The following NEB variants were observed in gnomAD, a reference collection of about 807,000 sequenced individuals.
The protein encoded by NEB is nebulin.
In NEB, 512 loss-of-function variants were observed where a neutral mutation model predicts 952.2. The ratio of observed to expected loss-of-function variants is 0.54; its 90% CI spans 0.50 to 0.58. The LOEUF is 0.58. Ranked by LOEUF, NEB falls within the 20% of genes least tolerant of loss-of-function variation. The pLI is 0.00. For missense variants in NEB, 8,428 were observed against 9,231.1 expected (o/e 0.91, Z 3.56); for synonymous variants, 2,900 against 3,149.8 (o/e 0.92, Z 2.66).
At chr2:151,717,385 G>GGAA (rs200998609) in intron 10 of NEB, 31 bp downstream of exon 10, 2 of 1,094,094 alleles carry the variant, frequency 1.8e-6, no homozygotes, top group African/African-American at 1.6e-5. Context: ...GAGTCTTCAA[G>GGAA]GGAGGCAATG....
chr2:151,667,774 G>T, intron 40 of NEB, 30 bp downstream of exon 40: 1 of 1,575,840 alleles, frequency 6.3e-7, no homozygotes, highest in Non-Finnish European at 8.7e-7. Flanking sequence ...CTTTTAGATA[G>T]AAAGTTTCCT....
At chr2:151,687,561 C>T in intron 26 of NEB, 29 bp from the exon 27 acceptor site, 1 of 1,612,728 alleles carries the variant, frequency 6.2e-7, no homozygotes, top group East Asian at 2.2e-5. Flanking sequence ...TGCCAGATCC[C>T]ACTCACCAGG....
At chr2:151,644,665 A>G in intron 55 of NEB, 90 bp from the exon 56 acceptor site, 1 of 1,071,386 alleles carries the variant, frequency 9.3e-7, no homozygotes, top group East Asian at 2.4e-5. Flanking sequence ...TTTTGAGTCC[A>G]TGAGAATAGC....
In NEB at chr2:151,550,266, CAAAAAAAAAAAA is replaced by C. The variant is rs57057802; in HGVS notation, c.19945-538_19945-527del. ...TGGGAGACAGAGGAGACCCTGTCTCCAAAAAAAAAAAAAAAAAAAAAAAACACTAATTCCTCT... is the reference window on the plus strand; with the variant it reads ...TGGGAGACAGAGGAGACCCTGTCTCCAAAAAAAAAAAACACTAATTCCTCT... On this transcript the variant is annotated intron_variant, in intron 129 of 181. Transcript: ENST00000397345. 1.4e-4 allele frequency among the ~76,000 whole-genome samples: 10 copies of C among 73,370 alleles called. No homozygotes were observed. The East Asian group carries it at 3.5e-3, about 26-fold the overall frequency. The allele number at this position is 73,370 out of a possible 152,430, so 48.1% of individuals were successfully genotyped here. A position where few individuals can be genotyped will look rare whatever the true frequency, so the allele number is the denominator to read the frequency against.
rs774794392 is a variant in NEB at position 151,694,566 on chromosome 2, T to A, written c.1738A>T (p.Ile580Phe). The A allele has an allele frequency of 3.1e-6, 5 of 1,610,914 alleles. No homozygotes were observed. In the South Asian group the frequency reaches 4.4e-5, roughly 14 times the overall value. ...TTGGCTTTGGCTGCCAGCAGGGGAA[T>A]GGCATCCACTTTAATGTCAAACTTT... ...AKKFDIKVDA[I>F]PLLAAKANTK... The change falls in exon 19 of 182, where the codon ATT (isoleucine) becomes TTT (phenylalanine). Residue 580 changes from isoleucine to phenylalanine, a missense_variant. Coordinates refer to ENST00000397345, the MANE Select transcript of NEB (RefSeq NM_001164508.2).
In NEB at chr2:151,687,739, C is replaced by A. The variant is rs185433570; in HGVS notation, c.2416-6G>T. Reference sequence around the variant, plus strand: ...CAGTCTTGCTTATAAACATTCTGGACAAGAAAAATTCAGCAAAGGAATGAT... The same window carrying A: ...CAGTCTTGCTTATAAACATTCTGGAAAAGAAAAATTCAGCAAAGGAATGAT... On this transcript the variant is annotated splice_polypyrimidine_tract_variant and splice_region_variant and intron_variant, in intron 25 of 181. Coordinates refer to ENST00000397345, the MANE Select transcript of NEB (RefSeq NM_001164508.2). The A allele has an allele frequency of 1.4e-4, 216 of 1,570,726 alleles. No homozygotes were observed. The African/African-American group carries it at 2.5e-3, about 18-fold the overall frequency.
rs1218073575 is a variant in NEB, at chr2:151,497,706, C to A, written c.24220G>T (p.Glu8074Ter). The change falls in exon 171 of 182, where the codon GAA becomes TAA. Residue 8074 changes from glutamate (E) to a stop codon, truncating the protein, a stop_gained. Coordinates refer to ENST00000397345, the MANE Select transcript of NEB (RefSeq NM_001164508.2). LOFTEE classifies it high-confidence loss of function. ...QENLSSVLYK[E>*]NMGKGTPLPV... is the part of the protein sequence containing the mutation. The stretch of plus-strand genomic sequence containing the variant: ...AAAGGGGTTCCCTTGCCCATGTTTT[C>A]TTTGTATAACACCTGTGCGATAAGA... 6.3e-7 allele frequency: 1 copy of A among 1,577,550 alleles called. No homozygotes were observed. The highest frequency in any genetic ancestry group is 8.6e-7 in the Non-Finnish European group (1 of 1,159,346).
At chr2:151,581,369 A>G (rs974392046) in intron 103 of NEB, 114 bp downstream of exon 103, 1 of 339,432 alleles carries the variant, frequency 2.9e-6, no homozygotes, top group African/African-American at 5.1e-5. Flanking sequence ...TAAAGACTAG[A>G]AATAAAAGGA....
At position 151,610,044 on chromosome 2, in the gene NEB, A is replaced by G; in HGVS notation, c.12095T>C (p.Ile4032Thr). Residue 4032 changes from isoleucine (I) to threonine (T), a missense_variant, in exon 81 of 182, where the codon ATT becomes ACT. Around this residue, in one of 11 missense-constraint regions of NEB, gnomAD observed 337 missense variants for 297.5 expected, o/e 1.13. Coordinates refer to ENST00000397345, the MANE Select transcript of NEB (RefSeq NM_001164508.2). Reference sequence around the variant, plus strand: ...TTTTCCTGCATGTATGGCACACATAATCTTGGGATCATCTTCAATGCTCTG... The same window carrying G: ...TTTTCCTGCATGTATGGCACACATAGTCTTGGGATCATCTTCAATGCTCTG... The part of the protein sequence containing the change: ...GAQSIEDDPK[I>T]MCAIHAGKIQ... The G allele has an allele frequency of 6.2e-7, 1 of 1,613,778 alleles. No homozygotes were observed. Among genetic ancestry groups the G allele is most frequent in the Non-Finnish European group, 8.5e-7 (1 of 1,179,826 alleles).
chr2:151,662,078 A>G, intron 46 of NEB, 57 bp downstream of exon 46: 1 of 1,456,560 alleles, frequency 6.9e-7, no homozygotes, highest in Non-Finnish European at 9.4e-7. Flanking sequence ...ATTAAATGTA[A>G]ATTATACCTG....
intron 179 of NEB, among the ~76,000 whole-genome samples, chr2:151,491,056 A>AT (rs2056179176): frequency 7.5e-6 from 1 of 134,056 alleles, no homozygotes; most frequent in Non-Finnish European, 1.5e-5. Context: ...TTTTTTTGAG[A>AT]TGGGGTCTCT....
chr2:151,516,817 CAA>C (rs1398677715), intron 156 of NEB, among the ~76,000 whole-genome samples: 2 of 152,120 alleles, frequency 1.3e-5, no homozygotes. Flanking sequence ...GAATCATTGA[CAA>C]GAGCCAGCTG....
At chr2:151,508,280 A>G (rs1400279593) in intron 161 of NEB, among the ~76,000 whole-genome samples, 171 bp from the exon 162 acceptor site, 1 of 152,196 alleles carries the variant, frequency 6.6e-6, no homozygotes, top group Non-Finnish European at 1.5e-5. Context: ...CTCTCAGTCA[A>G]AGAAAGAGCA....
intron 81 of NEB, 49 bp downstream of exon 81, chr2:151,609,760 C>T (rs750007272): frequency 6.6e-7 from 1 of 1,521,810 alleles, no homozygotes; most frequent in Non-Finnish European, 8.9e-7. Flanking sequence ...GGGCAATGAA[C>T]AAATCTACAT....
chr2:151,524,101 A>G (rs978293991), intron 153 of NEB, among the ~76,000 whole-genome samples: 1 of 152,194 alleles, frequency 6.6e-6, no homozygotes, highest in Non-Finnish European at 1.5e-5. Flanking sequence ...AAATGCCCAT[A>G]AATGGTAAAG....
Position 151,627,265 on chromosome 2 carries a change from A to G in NEB, c.10144-60T>C, listed in dbSNP as rs1310961165. 4 of 1,546,584 alleles carry G rather than the reference A, an allele frequency of 2.6e-6. No homozygotes were observed. The East Asian group carries it at 9.1e-5, about 35-fold the overall frequency. On this transcript the variant is annotated intron_variant, in intron 69 of 181. Coordinates refer to ENST00000397345, the MANE Select transcript of NEB (RefSeq NM_001164508.2). ...AAGTTGTTTTAACATGATTTCAAAA[A>G]TAAAAAAATAACACTAGAAAGCTTG...
In NEB at chr2:151,509,054, A is replaced by G. The variant is rs2071728890; in HGVS notation, c.23347-945T>C. On this transcript the variant is annotated intron_variant, in intron 161 of 181. Transcript: ENST00000397345. ...GGGCTGAGGGCTGAGGAATGAGACTAGCCACTGTTATAATGGGGATAAAAC... is the reference window on the plus strand; with the variant it reads ...GGGCTGAGGGCTGAGGAATGAGACTGGCCACTGTTATAATGGGGATAAAAC... Among the ~76,000 whole-genome samples, 6 of 152,332 alleles carry G rather than the reference A, an allele frequency of 3.9e-5. No homozygotes were observed. In the South Asian group the frequency reaches 1.2e-3, roughly 32 times the overall value.
At chr2:151,540,576 G>T in intron 137 of NEB, 121 bp downstream of exon 137, 1 of 1,118,862 alleles carries the variant, frequency 8.9e-7, no homozygotes, top group Non-Finnish European at 1.3e-6. Flanking sequence ...TGCCTTTTGT[G>T]TTTTGATGAT....
intron 161 of NEB, 23 bp downstream of exon 161, chr2:151,512,710 G>C (rs1223120240): frequency 2.6e-6 from 4 of 1,515,642 alleles, no homozygotes; most frequent in Non-Finnish European, 3.7e-6. Context: ...GTTTATGAGT[G>C]ATGGCATGAC....
Sources: allele counts gnomAD v4.1 joint callset (sites outside exome capture counted in the v4.1 genomes callset), GRCh38; gene constraint gnomAD v4.1.1; regional missense constraint gnomAD v4.1.1; transcripts MANE v1.5; gene names NCBI Gene and HGNC (gene_info 2026-07-23, HGNC 2026-07-21).